The following ZNF804A variants were observed in gnomAD, a reference collection of about 807,000 sequenced individuals.
ZNF804A encodes the protein zinc finger protein 804A.
In ZNF804A, 2 loss-of-function variants were observed where a neutral mutation model predicts 16.5. The ratio of observed to expected loss-of-function variants is 0.12; its 90% confidence interval spans 0.05 to 0.38. The LOEUF (loss-of-function observed/expected upper bound fraction) is 0.38, where lower values mean the gene tolerates loss of function less well. ZNF804A is among the 10% of genes least tolerant of loss of function. The pLI is 0.99. For missense variants in ZNF804A, 1,473 were observed against 1,390.7 expected (o/e 1.06, Z -0.94); for synonymous variants, 534 against 489.6 (o/e 1.09, Z -1.20).
At chr2:184,788,977 T>C (rs535395379) in intron 1 of ZNF804A, among the ~76,000 whole-genome samples, 2 of 152,130 alleles carry the variant, frequency 1.3e-5, no homozygotes, top group Admixed American at 6.6e-5. Flanking sequence ...GGGTTTGTCA[T>C]AGAGATGGTT....
intron 1 of ZNF804A, among the ~76,000 whole-genome samples, chr2:184,684,081 T>A (rs1355924942): frequency 6.6e-6 from 1 of 152,218 alleles, no homozygotes. Flanking sequence ...AGCAGGCAGA[T>A]GGCTGTAGAG....
At chr2:184,686,910 C>T (rs1293846216) in intron 1 of ZNF804A, among the ~76,000 whole-genome samples, 2 of 151,996 alleles carry the variant, frequency 1.3e-5, no homozygotes, top group African/African-American at 4.8e-5. Flanking sequence ...ATTTATGTCT[C>T]TTATAGATTC....
chr2:184,904,893 T>C (rs1685246727), intron 2 of ZNF804A, among the ~76,000 whole-genome samples: 1 of 152,144 alleles, frequency 6.6e-6, no homozygotes, highest in South Asian at 2.1e-4. Flanking sequence ...CAACATTAAG[T>C]ATTATCTATT....
At chr2:184,664,479 A>G (rs1692225582) in intron 1 of ZNF804A, among the ~76,000 whole-genome samples, 1 of 152,170 alleles carries the variant, frequency 6.6e-6, no homozygotes, top group African/African-American at 2.4e-5. Flanking sequence ...CCTCTTAGTA[A>G]TTCTGATCCT....
intron 1 of ZNF804A, among the ~76,000 whole-genome samples, chr2:184,713,248 TC>T (rs534213708): frequency 3.0e-3 from 453 of 151,938 alleles, no homozygotes; most frequent in African/African-American, 0.011. Flanking sequence ...TTTTTCATGA[TC>T]CAGTTCTATA....
At chr2:184,924,697 G>A (rs1028816635) in intron 2 of ZNF804A, among the ~76,000 whole-genome samples, 17 of 151,398 alleles carry the variant, frequency 1.1e-4, no homozygotes, top group African/African-American at 4.1e-4. Context: ...TTTCCTCTTA[G>A]TAGTGCTTTG....
intron 1 of ZNF804A, among the ~76,000 whole-genome samples, chr2:184,764,564 G>A (rs928515204): frequency 2.6e-5 from 4 of 152,076 alleles, no homozygotes; most frequent in East Asian, 1.9e-4. Context: ...AGGGCAGACC[G>A]TCATTAGCCA....
intron 1 of ZNF804A, among the ~76,000 whole-genome samples, chr2:184,861,845 T>A (rs1007172921): frequency 2.0e-5 from 3 of 152,214 alleles, no homozygotes; most frequent in Admixed American, 6.5e-5. Flanking sequence ...CTTCGCTGTC[T>A]ACAAAATTTA....
At chr2:184,624,269 A>C (rs1327558913) in intron 1 of ZNF804A, among the ~76,000 whole-genome samples, 2 of 152,200 alleles carry the variant, frequency 1.3e-5, no homozygotes, top group East Asian at 1.9e-4. Context: ...TAAAAATGGT[A>C]AATTTTATGC....
intron 1 of ZNF804A, among the ~76,000 whole-genome samples, chr2:184,696,372 A>T (rs1692831418): frequency 6.6e-6 from 1 of 152,174 alleles, no homozygotes; most frequent in African/African-American, 2.4e-5. Flanking sequence ...CAAAGTCTGA[A>T]ATCTAGTAAA....
chr2:184,884,202 A>G (rs998171334), intron 2 of ZNF804A, among the ~76,000 whole-genome samples: 5 of 152,158 alleles, frequency 3.3e-5, no homozygotes, highest in Admixed American at 6.6e-5. Context: ...ACAGTTCACA[A>G]TAGCTACAAA....
intron 1 of ZNF804A, among the ~76,000 whole-genome samples, chr2:184,795,384 A>G (rs1276665321): frequency 6.6e-6 from 1 of 152,152 alleles, no homozygotes; most frequent in Non-Finnish European, 1.5e-5. Context: ...GGCAATAGTG[A>G]CACAACCTAG....
At chr2:184,646,104 A>G (rs1036154956) in intron 1 of ZNF804A, among the ~76,000 whole-genome samples, 1 of 152,198 alleles carries the variant, frequency 6.6e-6, no homozygotes, top group African/African-American at 2.4e-5. Flanking sequence ...AGCCAACCAC[A>G]TACATACAAA....
intron 1 of ZNF804A, among the ~76,000 whole-genome samples, chr2:184,721,527 A>G (rs577359923): frequency 6.6e-6 from 1 of 152,270 alleles, no homozygotes; most frequent in Non-Finnish European, 1.5e-5. Flanking sequence ...TTAAAACCAC[A>G]ATGAGTTATC....
chr2:184,807,831 G>A (rs1308623712), intron 1 of ZNF804A, among the ~76,000 whole-genome samples: 1 of 151,576 alleles, frequency 6.6e-6, no homozygotes, highest in Non-Finnish European at 1.5e-5. Flanking sequence ...TTTTCTAGCT[G>A]CTTCTTTTGG....
rs1684942529 is a variant in ZNF804A, at chr2:184,889,072, T to C, written c.255+22560T>C. On this transcript the variant is annotated intron_variant, in intron 2 of 3. Coordinates refer to ENST00000302277, the MANE Select transcript of ZNF804A (RefSeq NM_194250.2). ...CCCTCCACATTATTCACTCCAACAT[T>C]GTCAACAGCATGTACTTTAGTTTTT... is the stretch of plus-strand genomic sequence containing the variant. Among the ~76,000 whole-genome samples, 4 of 152,088 alleles carry C rather than the reference T, an allele frequency of 2.6e-5. 1 individual carries two copies. Among genetic ancestry groups the C allele is most frequent in the Admixed American group, 2.6e-4 (4 of 15,276 alleles).
chr2:184,682,617 T>C (rs1692561152), intron 1 of ZNF804A, among the ~76,000 whole-genome samples: 1 of 152,206 alleles, frequency 6.6e-6, no homozygotes, highest in Non-Finnish European at 1.5e-5. Flanking sequence ...TACAGTGATT[T>C]TACAGATGGG....
chr2:184,744,569 C>T (rs1693759249), intron 1 of ZNF804A, among the ~76,000 whole-genome samples: 1 of 151,878 alleles, frequency 6.6e-6, no homozygotes, highest in African/African-American at 2.4e-5. Context: ...CTATTGCAAC[C>T]TTGATCTTGA....
chr2:184,829,899 C>CAAAAAAAAAAAAAAAAAAAAAAAAAAAAA (rs1244566222), intron 1 of ZNF804A, among the ~76,000 whole-genome samples: 2 of 38,896 alleles, frequency 5.1e-5, no homozygotes, highest in Non-Finnish European at 9.6e-5. Context: ...CTGTCTCTAC[C>CAAAAAAAAAAAAAAAAAAAAAAAAAAAAA]AAAAAAAAAA....
Sources: gnomAD v4.1 joint callset for allele counts (sites outside exome capture counted in the v4.1 genomes callset) on GRCh38, gnomAD v4.1.1 for gene constraint, MANE v1.5 for transcripts, NCBI Gene and HGNC (gene_info 2026-07-23, HGNC 2026-07-21) for gene names.